Variants in MECOM observed in about 807,000 individuals in gnomAD.
The protein encoded by MECOM is MDS1 and EVI1 complex locus.
In MECOM, 13 loss-of-function variants were observed where a neutral mutation model predicts 116.3. That is an observed-to-expected ratio of 0.11 (90% confidence interval 0.07 to 0.18). The LOEUF is 0.18. MECOM is among the 10% of genes least tolerant of loss of function. The pLI, the probability that MECOM is intolerant of heterozygous loss-of-function variation, is 1.00. For missense variants in MECOM, 1,299 were observed against 1,509.0 expected (o/e 0.86, Z 2.31); for synonymous variants, 528 against 535.2 (o/e 0.99, Z 0.19).
At chr3:169,598,311 A>G (rs926022754) in intron 1 of MECOM, among the ~76,000 whole-genome samples, 4 of 152,240 alleles carry the variant, frequency 2.6e-5, no homozygotes, top group African/African-American at 9.6e-5. Flanking sequence ...TTTATCTTAA[A>G]ATGGCATCTT....
chr3:169,225,141 T>C (rs963643393), intron 2 of MECOM, among the ~76,000 whole-genome samples: 1 of 152,204 alleles, frequency 6.6e-6, no homozygotes, highest in African/African-American at 2.4e-5. Flanking sequence ...ATAGAGAATA[T>C]ATTTAGTATC....
At position 169,145,143 on chromosome 3, in the gene MECOM, AACACACACACACACACACACAC is replaced by A. The variant is rs67598122; in HGVS notation, c.376-1333_376-1312del. 3.9e-5 allele frequency: 20 copies of A among 513,164 alleles called. 1 individual carries two copies. Among genetic ancestry groups the A allele is most frequent in the South Asian group, 5.9e-5 (2 of 34,056 alleles). 31.8% of individuals were successfully genotyped at this position (513,164 alleles called of 1,614,324 possible). A position where few individuals can be genotyped will look rare whatever the true frequency, so the allele number is the denominator to read the frequency against. On this transcript the variant is annotated intron_variant, in intron 2 of 16. Coordinates refer to ENST00000651503, the MANE Select transcript of MECOM (RefSeq NM_004991.4). ...CGAACATAAGATAGGGATATTATTA[AACACACACACACACACACACAC>A]ACACACACACACACACACACACACA...
At chr3:169,192,759 A>G (rs1243901165) in intron 2 of MECOM, among the ~76,000 whole-genome samples, 1 of 152,030 alleles carries the variant, frequency 6.6e-6, no homozygotes, top group Non-Finnish European at 1.5e-5. Flanking sequence ...TTGCAATTGC[A>G]GTGCGACCTG....
chr3:169,454,716 T>C (rs1489458221), intron 1 of MECOM, among the ~76,000 whole-genome samples: 1 of 152,192 alleles, frequency 6.6e-6, no homozygotes, highest in Non-Finnish European at 1.5e-5. Flanking sequence ...TTCAAAAGTT[T>C]AAAAACTGAA....
chr3:169,137,300 A>G (rs1476116383), intron 3 of MECOM, among the ~76,000 whole-genome samples: 2 of 152,068 alleles, frequency 1.3e-5, no homozygotes, highest in Non-Finnish European at 2.9e-5. Flanking sequence ...CTACAGATAC[A>G]ATATATGCAT....
intron 1 of MECOM, among the ~76,000 whole-genome samples, chr3:169,569,064 A>G (rs1171279749): frequency 6.6e-6 from 1 of 152,304 alleles, no homozygotes; most frequent in East Asian, 1.9e-4. Flanking sequence ...GTAAAGAGTC[A>G]AGACCCATCG....
At chr3:169,254,324 C>T (rs1192839072) in intron 2 of MECOM, among the ~76,000 whole-genome samples, 1 of 152,266 alleles carries the variant, frequency 6.6e-6, no homozygotes, top group East Asian at 1.9e-4. Flanking sequence ...AACCTGAGAA[C>T]TGACTTTCAG....
At chr3:169,213,574 C>T (rs1751058912) in intron 2 of MECOM, among the ~76,000 whole-genome samples, 1 of 152,024 alleles carries the variant, frequency 6.6e-6, no homozygotes. Context: ...AACAGATGAG[C>T]CTGAACCAGT....
intron 1 of MECOM, among the ~76,000 whole-genome samples, chr3:169,420,443 T>C (rs1046279954): frequency 6.6e-6 from 1 of 152,126 alleles, no homozygotes; most frequent in African/African-American, 2.4e-5. Flanking sequence ...CAAGAACCCA[T>C]GGATCTGAAA....
At chr3:169,243,999 C>A (rs1560037791) in intron 2 of MECOM, among the ~76,000 whole-genome samples, 1 of 152,186 alleles carries the variant, frequency 6.6e-6, no homozygotes, top group Admixed American at 6.5e-5. Context: ...CTTCTGCAAA[C>A]CTGCCTTCAT....
chr3:169,172,222 T>C lies in MECOM; in HGVS notation c.376-28390A>G, dbSNP rs574607921. 2.0e-5 allele frequency among the ~76,000 whole-genome samples: 3 copies of C among 152,270 alleles called. No individual in the cohort carries two copies. The East Asian group carries it at 5.8e-4, about 29-fold the overall frequency. ...GATGGTAGATGTTTGTATCAAGTAA[T>C]ATAATCATGCTATCTCCAATAAACA... On this transcript the variant is annotated intron_variant, in intron 2 of 16. Coordinates refer to ENST00000651503, the MANE Select transcript of MECOM (RefSeq NM_004991.4).
intron 2 of MECOM, among the ~76,000 whole-genome samples, chr3:169,361,286 C>A (rs565541558): frequency 6.6e-6 from 1 of 151,942 alleles, no homozygotes; most frequent in East Asian, 1.9e-4. Flanking sequence ...ACCATTTAAA[C>A]ATGAATCAAT....
At chr3:169,563,789 T>C (rs1378033441) in intron 1 of MECOM, among the ~76,000 whole-genome samples, 1 of 152,206 alleles carries the variant, frequency 6.6e-6, no homozygotes, top group African/African-American at 2.4e-5. Flanking sequence ...AAAATGAAGC[T>C]GAGTCAGTTC....
chr3:169,637,326 T>C (rs1309730559), intron 1 of MECOM, among the ~76,000 whole-genome samples: 1 of 152,132 alleles, frequency 6.6e-6, no homozygotes, highest in Admixed American at 6.5e-5. Context: ...AGTCAACACC[T>C]AGAACTACAA....
At chr3:169,326,803 G>A (rs191177715) in intron 2 of MECOM, among the ~76,000 whole-genome samples, 124 of 152,138 alleles carry the variant, frequency 8.2e-4, no homozygotes, top group African/African-American at 2.7e-3. Context: ...TTTTCAGTTC[G>A]TGTTAATTAA....
At chr3:169,311,527 G>A (rs919444369) in intron 2 of MECOM, among the ~76,000 whole-genome samples, 1 of 152,132 alleles carries the variant, frequency 6.6e-6, no homozygotes, top group Non-Finnish European at 1.5e-5. Context: ...ATGTCAAATG[G>A]CACTAGAAAC....
chr3:169,133,359 C>T (rs1179638918), intron 3 of MECOM: 1 of 152,076 alleles, frequency 6.6e-6, no homozygotes, highest in East Asian at 1.9e-4. Context: ...CCTCTTTATT[C>T]CAGTAGGTGG....
chr3:169,590,451 A>G (rs182234186), intron 1 of MECOM, among the ~76,000 whole-genome samples: 1 of 152,236 alleles, frequency 6.6e-6, no homozygotes, highest in African/African-American at 2.4e-5. Context: ...GCCAGTGCAG[A>G]ATGTTCTTCT....
intron 1 of MECOM, among the ~76,000 whole-genome samples, chr3:169,630,420 T>A (rs1771941658): frequency 1.4e-5 from 2 of 147,006 alleles, no homozygotes; most frequent in Admixed American, 1.4e-4. Context: ...AAAGAGCTAC[T>A]ATTCTGGAAA....
Sources: gnomAD v4.1 joint callset for allele counts (sites outside exome capture counted in the v4.1 genomes callset) on GRCh38, gnomAD v4.1.1 for gene constraint, MANE v1.5 for transcripts, NCBI Gene and HGNC (gene_info 2026-07-23, HGNC 2026-07-21) for gene names.